Variants in DYSF observed in about 807,000 individuals in gnomAD.
DYSF encodes the protein dystrophy-associated fer-1-like 1.
A neutral mutation model predicts 274.9 loss-of-function variants in DYSF; 212 were observed. That is an observed-to-expected ratio of 0.77 (90% CI 0.69 to 0.86). The LOEUF (loss-of-function observed/expected upper bound fraction) is 0.86, where lower values mean the gene tolerates loss of function less well. DYSF is among the 40% of genes least tolerant of loss of function. The pLI is 0.00. For missense variants in DYSF, 2,666 were observed against 2,783.2 expected, an observed-to-expected ratio of 0.96 and a Z score of 0.95; for synonymous variants, 1,091 against 1,078.7, an observed-to-expected ratio of 1.01 and a Z score of -0.22.
At chr2:71,566,138 G>T (rs985284017) in intron 24 of DYSF, among the ~76,000 whole-genome samples, 1 of 151,580 alleles carries the variant, frequency 6.6e-6, no homozygotes, top group Non-Finnish European at 1.5e-5. Flanking sequence ...CCAGTTCCTG[G>T]CCTGGTAGGG....
intron 51 of DYSF, among the ~76,000 whole-genome samples, 195 bp downstream of exon 51, chr2:71,669,941 C>T (rs1054912424): frequency 2.0e-5 from 3 of 152,198 alleles, no homozygotes; most frequent in African/African-American, 7.2e-5. Flanking sequence ...ACTGCTGTCT[C>T]AGCATTGTGT....
At chr2:71,656,119 C>T (rs749398421) in intron 42 of DYSF, 43 bp from the exon 43 acceptor site, 28 of 1,613,100 alleles carry the variant, frequency 1.7e-5, no homozygotes, top group Non-Finnish European at 2.4e-5. Flanking sequence ...GTTCTACTTT[C>T]TTTCTGTCTC....
intron 50 of DYSF, among the ~76,000 whole-genome samples, 191 bp from the exon 51 acceptor site, chr2:71,669,414 A>C (rs971523799): frequency 6.6e-6 from 1 of 152,130 alleles, no homozygotes; most frequent in Admixed American, 6.5e-5. Context: ...TTGAACTTAC[A>C]AGTTTAGTGG....
chr2:71,493,391 C>A (rs917140820), intron 3 of DYSF, among the ~76,000 whole-genome samples: 2 of 152,112 alleles, frequency 1.3e-5, no homozygotes, highest in East Asian at 3.9e-4. Flanking sequence ...TGACAATTTA[C>A]AGTTTTGAAT....
At chr2:71,616,624 C>T (rs2093891085) in intron 40 of DYSF, among the ~76,000 whole-genome samples, 1 of 152,084 alleles carries the variant, frequency 6.6e-6, no homozygotes, top group Admixed American at 6.5e-5. Context: ...TGTCCTCACA[C>T]AGGGAGAGCA....
intron 7 of DYSF, among the ~76,000 whole-genome samples, chr2:71,515,157 C>A (rs1262968007): frequency 6.6e-6 from 1 of 152,172 alleles, no homozygotes; most frequent in African/African-American, 2.4e-5. Flanking sequence ...GGCAAAAATT[C>A]TTAATTTATT....
intron 4 of DYSF, 101 bp downstream of exon 4, chr2:71,503,420 C>T: frequency 1.6e-6 from 2 of 1,233,902 alleles, no homozygotes; most frequent in Non-Finnish European, 2.4e-6. Context: ...CATCTGACTT[C>T]AGCTCCCTTG....
chr2:71,561,969 C>A lies in DYSF; in HGVS notation c.2409+25C>A, dbSNP rs1353101113. ...GGTAATTAAGCCTGGGGGTGCCTTT[C>A]TTCTTCTGCTCTCCTGCTGCCTGGA... On this transcript the variant is annotated intron_variant, in intron 23 of 55. Coordinates refer to ENST00000410020, the MANE Select transcript of DYSF (RefSeq NM_001130987.2). 3.1e-6 allele frequency: 5 copies of A among 1,607,354 alleles called. No individual in the cohort carries two copies. The East Asian group carries it at 1.1e-4, about 36-fold the overall frequency.
In DYSF at chr2:71,479,618, C is replaced by A. The variant is rs555662885; in HGVS notation, c.92-1265C>A. Among the ~76,000 whole-genome samples, 5 of 152,202 alleles carry A rather than the reference C, an allele frequency of 3.3e-5. No individual in the cohort carries two copies. In the East Asian group the frequency reaches 5.8e-4, roughly 18 times the overall value. Reference sequence around the variant, plus strand: ...ACCCTAGGAGGAGGGTCTCCTTGTGCGTCTCCTTTGCCACCTTTCTTTCAA... The same window carrying A: ...ACCCTAGGAGGAGGGTCTCCTTGTGAGTCTCCTTTGCCACCTTTCTTTCAA... On this transcript the variant is annotated intron_variant, in intron 1 of 55. Coordinates refer to ENST00000410020, the MANE Select transcript of DYSF (RefSeq NM_001130987.2).
chr2:71,545,774 G>A (rs745614936), intron 17 of DYSF, among the ~76,000 whole-genome samples: 3 of 152,090 alleles, frequency 2.0e-5, no homozygotes, highest in Non-Finnish European at 4.4e-5. Context: ...AACATCCCCC[G>A]ACCTGTCTTC....
In DYSF at chr2:71,634,071, A is replaced by G. The variant is rs541247565; in HGVS notation, c.4528-9894A>G. Reference sequence around the variant, plus strand: ...TTCTCTGGCTGCCCAGGAACTGCATATTGGCTATTAGCTGAAACTGGAGAG... The same window carrying G: ...TTCTCTGGCTGCCCAGGAACTGCATGTTGGCTATTAGCTGAAACTGGAGAG... On this transcript the variant is annotated intron_variant, in intron 41 of 55. Transcript: ENST00000410020. Among the ~76,000 whole-genome samples the G allele has an allele frequency of 5.3e-4, 81 of 152,258 alleles. No individual in the cohort carries two copies. In the South Asian group the frequency reaches 0.016, roughly 29 times the overall value.
upstream of DYSF, among the ~76,000 whole-genome samples, chr2:71,464,576 A>G (rs1202490918): frequency 6.6e-6 from 1 of 152,146 alleles, no homozygotes; most frequent in African/African-American, 2.4e-5. Context: ...GAACAGCTGG[A>G]AGGCTAGCAT....
In DYSF at chr2:71,628,675, G is replaced by A. The variant is rs2094255234; in HGVS notation, c.4527+8066G>A. Among the ~76,000 whole-genome samples the A allele has an allele frequency of 3.3e-5, 5 of 152,128 alleles. No homozygotes were observed. In the South Asian group the frequency reaches 6.2e-4, roughly 19 times the overall value. On this transcript the variant is annotated intron_variant, in intron 41 of 55. Transcript: ENST00000410020. ...TAAAGTTAAGTTTAGTTTTGGCTGG[G>A]TGCAGTGGCTCATGCCTGTAATCCC...
At chr2:71,462,109 G>T (rs536470047), upstream of DYSF, among the ~76,000 whole-genome samples, 1 of 152,206 alleles carries the variant, frequency 6.6e-6, no homozygotes, top group Non-Finnish European at 1.5e-5. Flanking sequence ...TGCCCACTCA[G>T]CCTGGCAGGC....
At chr2:71,652,063 G>A (rs2094673840) in intron 42 of DYSF, among the ~76,000 whole-genome samples, 1 of 152,148 alleles carries the variant, frequency 6.6e-6, no homozygotes, top group African/African-American at 2.4e-5. Flanking sequence ...TTTCTTTACT[G>A]TAGAAAATGA....
chr2:71,595,389 G>C lies in DYSF; in HGVS notation c.3575-3175G>C, dbSNP rs549558745. Among the ~76,000 whole-genome samples, 8 of 152,262 alleles carry C rather than the reference G, an allele frequency of 5.3e-5. 1 individual carries two copies. The South Asian group carries it at 1.7e-3, about 32-fold the overall frequency. On this transcript the variant is annotated intron_variant, in intron 32 of 55. Coordinates refer to ENST00000410020, the MANE Select transcript of DYSF (RefSeq NM_001130987.2). ...AGGAGCACTGGACTAGGAGTCAGGGGGTCTAGTACATACGATCATGGCCGA... is the reference window on the plus strand; with the variant it reads ...AGGAGCACTGGACTAGGAGTCAGGGCGTCTAGTACATACGATCATGGCCGA...
At chr2:71,667,761 C>G (rs1018682126) in intron 48 of DYSF, among the ~76,000 whole-genome samples, 3 of 152,186 alleles carry the variant, frequency 2.0e-5, no homozygotes, top group Admixed American at 2.0e-4. Flanking sequence ...TCCCCTCACC[C>G]CTGTAGGCCT....
chr2:71,592,847 T>C (rs938302377), intron 32 of DYSF, among the ~76,000 whole-genome samples: 1 of 152,194 alleles, frequency 6.6e-6, no homozygotes. Context: ...GGCTGCTCCT[T>C]CTCCCTGGTC....
chr2:71,602,902 G>A (rs1027942213), intron 36 of DYSF, 97 bp downstream of exon 36: 16 of 1,445,186 alleles, frequency 1.1e-5, no homozygotes, highest in Non-Finnish European at 1.5e-5. Context: ...GGTTCCTGGT[G>A]CCCAGCAGGC....
Sources: allele counts gnomAD v4.1 joint callset (sites outside exome capture counted in the v4.1 genomes callset), GRCh38; gene constraint gnomAD v4.1.1; transcripts MANE v1.5; gene names NCBI Gene and HGNC (gene_info 2026-07-23, HGNC 2026-07-21).